KAZN: variants seen among roughly 807,000 people sequenced by gnomAD.
KAZN encodes kazrin.
In KAZN, 40 loss-of-function variants were observed where a neutral mutation model predicts 87.4. The observed-to-expected ratio is 0.46, with a 90% confidence interval of 0.36 to 0.60. The LOEUF (loss-of-function observed/expected upper bound fraction) is 0.60. Among genes scored for constraint, KAZN ranks in the 20% least tolerant of loss-of-function variants. The pLI is 0.00. For synonymous variants in KAZN, 466 were observed against 458.3 expected (o/e 1.02, Z -0.22); for missense variants, 898 against 1,073.9 (o/e 0.84, Z 2.29).
intron 2 of KAZN, among the ~76,000 whole-genome samples, chr1:14,266,550 G>A (rs1355114545): frequency 6.6e-6 from 1 of 152,202 alleles, no homozygotes; most frequent in African/African-American, 2.4e-5. Flanking sequence ...TGAAATAAAT[G>A]TGAGTTTTAC....
At chr1:14,975,523 C>T (rs1665505071) in intron 2 of KAZN, among the ~76,000 whole-genome samples, 1 of 151,960 alleles carries the variant, frequency 6.6e-6, no homozygotes, top group Non-Finnish European at 1.5e-5. Flanking sequence ...TTCAATGTCT[C>T]CATGAATATA....
chr1:14,724,643 A>C (rs1375968700), intron 1 of KAZN, among the ~76,000 whole-genome samples: 2 of 152,200 alleles, frequency 1.3e-5, no homozygotes, highest in Non-Finnish European at 2.9e-5. Flanking sequence ...TGTTATTCCT[A>C]CTTGGTGTTC....
chr1:13,893,726 T>C, exon 1 of KAZN: 1 of 1,550,504 alleles, frequency 6.4e-7, no homozygotes, highest in Non-Finnish European at 8.7e-7. Context: ...CTCCCACGTC[T>C]TTGGTCAGCA....
At chr1:14,633,632 T>G (rs1036700328) in intron 1 of KAZN, among the ~76,000 whole-genome samples, 1 of 152,274 alleles carries the variant, frequency 6.6e-6, no homozygotes, top group African/African-American at 2.4e-5. Flanking sequence ...TTGTGGTGAT[T>G]TGTTGCAGCA....
chr1:14,822,734 C>G (rs147129904), intron 1 of KAZN, among the ~76,000 whole-genome samples: 10 of 152,340 alleles, frequency 6.6e-5, no homozygotes, highest in Admixed American at 2.0e-4. Flanking sequence ...GTTCCGGCAT[C>G]TGGTCTATCC....
intron 1 of KAZN, among the ~76,000 whole-genome samples, chr1:14,764,421 C>CT (rs147089129): frequency 1.4e-5 from 2 of 143,528 alleles, no homozygotes; most frequent in Admixed American, 7.0e-5. Context: ...TTCCCTGTTC[C>CT]TTTTTTTCCC....
chr1:15,035,790 G>A (rs577897835), intron 3 of KAZN, among the ~76,000 whole-genome samples: 1 of 152,308 alleles, frequency 6.6e-6, no homozygotes, highest in African/African-American at 2.4e-5. Context: ...AGTGAGCCGA[G>A]ATCACCCCAC....
At chr1:14,570,767 T>C (rs1350747551) in intron 2 of KAZN, among the ~76,000 whole-genome samples, 1 of 152,246 alleles carries the variant, frequency 6.6e-6, no homozygotes, top group Non-Finnish European at 1.5e-5. Context: ...CTGAGTCATA[T>C]GGTAATTTTA....
At chr1:14,481,681 CA>C (rs547365234) in intron 2 of KAZN, among the ~76,000 whole-genome samples, 399 of 138,274 alleles carry the variant, frequency 2.9e-3, no homozygotes, top group African/African-American at 3.6e-3. Context: ...ATTGTTTAGG[CA>C]AAAAAAAAAA....
At chr1:14,230,352 C>A (rs1647698221) in intron 2 of KAZN, among the ~76,000 whole-genome samples, 1 of 152,172 alleles carries the variant, frequency 6.6e-6, no homozygotes, top group African/African-American at 2.4e-5. Flanking sequence ...AACAGCCAGG[C>A]AAAGTGTACA....
At chr1:14,636,464 A>G (rs1478449068) in intron 1 of KAZN, among the ~76,000 whole-genome samples, 7 of 152,164 alleles carry the variant, frequency 4.6e-5, no homozygotes, top group Non-Finnish European at 1.0e-4. Context: ...TTCATCGAGC[A>G]TTTCTGCCTC....
At chr1:14,261,276 T>A (rs1414006751) in intron 2 of KAZN, among the ~76,000 whole-genome samples, 1 of 152,216 alleles carries the variant, frequency 6.6e-6, no homozygotes, top group Non-Finnish European at 1.5e-5. Flanking sequence ...AGGTATTTCA[T>A]GAAGATGCAT....
At chr1:14,478,057 C>T (rs1668852052) in intron 2 of KAZN, among the ~76,000 whole-genome samples, 1 of 152,166 alleles carries the variant, frequency 6.6e-6, no homozygotes, top group Admixed American at 6.5e-5. Context: ...CACCTCACTC[C>T]CACCCTCATT....
chr1:14,352,119 T>C (rs1658594725), intron 2 of KAZN, among the ~76,000 whole-genome samples: 1 of 152,234 alleles, frequency 6.6e-6, no homozygotes, highest in South Asian at 2.1e-4. Flanking sequence ...ATCAAATCTT[T>C]GTATAATGTT....
In KAZN at chr1:14,323,925, C is replaced by T. The variant is rs537938385; in HGVS notation, c.249+143333C>T. Among the ~76,000 whole-genome samples the T allele has an allele frequency of 3.9e-5, 6 of 152,278 alleles. No homozygotes were observed. The East Asian group carries it at 1.2e-3, about 29-fold the overall frequency. ...GTTTGGAGTTGAGAAGCAGTTGCTT[C>T]TTCTAACCTTTCAAGTACTTGGATT... On this transcript the variant is annotated intron_variant, in intron 2 of 16. Coordinates refer to the KAZN transcript ENST00000636203.
At chr1:14,041,574 C>T (rs577583754) in intron 1 of KAZN, among the ~76,000 whole-genome samples, 7 of 152,150 alleles carry the variant, frequency 4.6e-5, no homozygotes, top group Non-Finnish European at 1.0e-4. Context: ...TGGAGCCCTC[C>T]CTTATGCTCC....
At position 14,599,372 on chromosome 1, in the gene KAZN, C is replaced by A; in HGVS notation, c.226+149C>A. 1.2e-6 allele frequency: 1 copy of A among 853,026 alleles called. No homozygotes were observed. The highest frequency in any genetic ancestry group is 1.5e-6 in the Non-Finnish European group (1 of 646,264). The allele number at this position is 853,026 out of a possible 1,614,324, so 52.8% of individuals were successfully genotyped here. A position where few individuals can be genotyped will look rare whatever the true frequency, so the allele number is the denominator to read the frequency against. On this transcript the variant is annotated intron_variant, in intron 1 of 14. Coordinates refer to ENST00000376030, the MANE Select transcript of KAZN (RefSeq NM_201628.3). This position sits in a 1 kb window ranked among gnomAD's most constrained non-coding sequence, Gnocchi z 4.4. Reference sequence around the variant, plus strand: ...CCTTTCCGCCCGGCGGTGGCCACCGCTGCTCTCCGGCTGGGAGTTGCAGGC... The same window carrying A: ...CCTTTCCGCCCGGCGGTGGCCACCGATGCTCTCCGGCTGGGAGTTGCAGGC...
At chr1:14,734,863 A>T (rs2100387976) in intron 1 of KAZN, among the ~76,000 whole-genome samples, 1 of 152,248 alleles carries the variant, frequency 6.6e-6, no homozygotes, top group African/African-American at 2.4e-5. Flanking sequence ...CAAGCATCTC[A>T]CTGTCTGAGG....
At chr1:14,233,393 C>T (rs1392614069) in intron 2 of KAZN, among the ~76,000 whole-genome samples, 1 of 152,144 alleles carries the variant, frequency 6.6e-6, no homozygotes, top group Non-Finnish European at 1.5e-5. Context: ...CTGTGGCCTC[C>T]CAAAGCGCTG....
Sources: gnomAD v4.1 joint callset for allele counts (sites outside exome capture counted in the v4.1 genomes callset) on GRCh38, gnomAD v4.1.1 for gene constraint, Gnocchi (gnomAD v3.1) non-coding constraint, MANE v1.5 for transcripts, NCBI Gene and HGNC (gene_info 2026-07-23, HGNC 2026-07-21) for gene names.